The following ESR1 variants were observed in gnomAD, a reference collection of about 807,000 sequenced individuals.
ESR1 encodes estrogen receptor.
A neutral mutation model predicts 52.7 loss-of-function variants in ESR1; 12 were observed. The ratio of observed to expected loss-of-function variants is 0.23; its 90% CI spans 0.15 to 0.37. The LOEUF is 0.37. Ranked by LOEUF, ESR1 falls within the 10% of genes least tolerant of loss-of-function variation. ESR1 has a pLI of 1.00. For missense variants in ESR1, 584 were observed against 779.7 expected, an observed-to-expected ratio of 0.75 and a Z score of 2.99; for synonymous variants, 305 against 316.8, an observed-to-expected ratio of 0.96 and a Z score of 0.39.
chr6:151,859,670 C>A (rs184705737), intron 2 of ESR1, among the ~76,000 whole-genome samples: 131 of 152,336 alleles, frequency 8.6e-4, no homozygotes, highest in African/African-American at 3.0e-3. Context: ...CCAGGGTTGA[C>A]TTCCTGTGGC....
At chr6:151,732,416 C>T (rs999240201) in intron 2 of ESR1, among the ~76,000 whole-genome samples, 1 of 152,066 alleles carries the variant, frequency 6.6e-6, no homozygotes, top group Admixed American at 6.6e-5. Flanking sequence ...ACTTAGTGAT[C>T]GTTGCTAATT....
intron 4 of ESR1, among the ~76,000 whole-genome samples, chr6:151,961,788 G>A (rs1173081128): frequency 6.6e-6 from 1 of 152,138 alleles, no homozygotes; most frequent in Non-Finnish European, 1.5e-5. Context: ...GAGAGGGAAA[G>A]TAAATGGAAT....
At chr6:151,975,560 T>C (rs2039362717) in intron 4 of ESR1, among the ~76,000 whole-genome samples, 1 of 152,076 alleles carries the variant, frequency 6.6e-6, no homozygotes, top group African/African-American at 2.4e-5. Context: ...GACTGGAAGC[T>C]CAGGCGGGAT....
intron 5 of ESR1, among the ~76,000 whole-genome samples, chr6:152,037,579 G>C (rs993901886): frequency 9.2e-5 from 14 of 152,280 alleles, no homozygotes; most frequent in African/African-American, 3.4e-4. Flanking sequence ...AAGCCTTAGA[G>C]GCATTCCTTC....
At chr6:151,751,425 A>G in intron 2 of ESR1, among the ~76,000 whole-genome samples, 1 of 152,296 alleles carries the variant, frequency 6.6e-6, no homozygotes, top group African/African-American at 2.4e-5. Flanking sequence ...AACCCAACTT[A>G]TCATCATAGA....
At chr6:151,976,150 T>G (rs1208440599) in intron 4 of ESR1, among the ~76,000 whole-genome samples, 1 of 152,218 alleles carries the variant, frequency 6.6e-6, no homozygotes, top group Admixed American at 6.5e-5. Context: ...TTTTGTTGTT[T>G]TTTTTTAATG....
At chr6:151,705,159 G>C (rs1184236637) in intron 2 of ESR1, among the ~76,000 whole-genome samples, 1 of 152,084 alleles carries the variant, frequency 6.6e-6, no homozygotes, top group African/African-American at 2.4e-5. Flanking sequence ...TAATAGAGCT[G>C]ACAGATTATA....
chr6:151,777,118 C>G (rs1053402796), intron 2 of ESR1, among the ~76,000 whole-genome samples: 1 of 142,830 alleles, frequency 7.0e-6, no homozygotes, highest in South Asian at 2.2e-4. Flanking sequence ...CTTTTCTTTT[C>G]TTTTCTTTTT....
chr6:151,708,557 C>T (rs78827826), intron 2 of ESR1, among the ~76,000 whole-genome samples: 2,393 of 152,218 alleles, frequency 0.016, 73 homozygotes, highest in African/African-American at 0.055. Context: ...TGGAGAGTAT[C>T]ATTTTCCTCA....
chr6:151,820,726 G>A (rs371779453), intron 1 of ESR1, among the ~76,000 whole-genome samples: 70 of 152,264 alleles, frequency 4.6e-4, no homozygotes, highest in African/African-American at 1.4e-3. Context: ...ACTGTGTCCC[G>A]AGGCTGCTGC....
At chr6:151,672,917 C>T (rs947179368) in intron 1 of ESR1, among the ~76,000 whole-genome samples, 3 of 150,692 alleles carry the variant, frequency 2.0e-5, no homozygotes, top group Non-Finnish European at 4.4e-5. Flanking sequence ...CAAGCTCTGC[C>T]TCCCGGGTTC....
intron 1 of ESR1, among the ~76,000 whole-genome samples, chr6:151,678,565 G>T (rs779431741): frequency 2.0e-5 from 3 of 151,984 alleles, no homozygotes; most frequent in Admixed American, 6.5e-5. Context: ...TAAAGTCTCC[G>T]TAGCTGCAAA....
chr6:151,865,318 T>C (rs565554400), intron 2 of ESR1, among the ~76,000 whole-genome samples: 73 of 152,348 alleles, frequency 4.8e-4, no homozygotes, highest in Non-Finnish European at 8.4e-4. Context: ...TCATTTTTAA[T>C]GGCTGTATAT....
chr6:151,968,413 T>C (rs2038525342), intron 4 of ESR1, among the ~76,000 whole-genome samples: 1 of 152,104 alleles, frequency 6.6e-6, no homozygotes, highest in Admixed American at 6.5e-5. Context: ...AAAGTCAAAA[T>C]TGACAAATGG....
chr6:152,064,316 G>A (rs780231973), intron 6 of ESR1, among the ~76,000 whole-genome samples: 10 of 152,216 alleles, frequency 6.6e-5, no homozygotes, highest in Non-Finnish European at 1.3e-4. Context: ...TGCAAAGGGG[G>A]CCATGGTGGA....
intron 2 of ESR1, among the ~76,000 whole-genome samples, chr6:151,789,291 A>G (rs1242796220): frequency 6.6e-6 from 1 of 152,214 alleles, no homozygotes; most frequent in Non-Finnish European, 1.5e-5. Context: ...GATGTCCTGA[A>G]TAGTAGAACT....
At chr6:152,038,241 T>C (rs1033697395) in intron 5 of ESR1, among the ~76,000 whole-genome samples, 9 of 152,190 alleles carry the variant, frequency 5.9e-5, no homozygotes, top group African/African-American at 1.9e-4. Context: ...TCCTTCCACG[T>C]TCCTCTGCCT....
chr6:151,931,446 C>T (rs1336523005), intron 3 of ESR1, among the ~76,000 whole-genome samples: 1 of 151,678 alleles, frequency 6.6e-6, no homozygotes, highest in Non-Finnish European at 1.5e-5. Flanking sequence ...CCATTAGAGC[C>T]CTCAAACTCT....
At chr6:152,115,883 G>A (rs1229808701) in intron 6 of ESR1, among the ~76,000 whole-genome samples, 6 of 152,112 alleles carry the variant, frequency 3.9e-5, no homozygotes, top group South Asian at 2.1e-4. Context: ...CTTCCCAATC[G>A]TCTGCACCTG....
Sources: allele counts gnomAD v4.1 joint callset (sites outside exome capture counted in the v4.1 genomes callset), GRCh38; gene constraint gnomAD v4.1.1; transcripts MANE v1.5; gene names NCBI Gene and HGNC (gene_info 2026-07-23, HGNC 2026-07-21).